KCNH5: variants seen among roughly 807,000 people sequenced by gnomAD.
The protein encoded by KCNH5 is voltage-gated delayed rectifier potassium channel KCNH5.
KCNH5 carries 46 observed loss-of-function variants against 96.1 expected under a neutral mutation model. The ratio of observed to expected loss-of-function variants is 0.48; its 90% CI spans 0.38 to 0.61. The LOEUF is 0.61. Ranked by LOEUF, KCNH5 falls within the 20% of genes least tolerant of loss-of-function variation. The probability of loss-of-function intolerance (pLI) is 0.00; values close to 1 mark genes in which losing one functional copy is unlikely to be tolerated. For missense variants in KCNH5, 907 were observed against 1,225.8 expected (o/e 0.74, Z 3.88); for synonymous variants, 439 against 449.8 (o/e 0.98, Z 0.30).
chr14:62,988,391 TAAGG>T (rs1257587477), intron 4 of KCNH5, among the ~76,000 whole-genome samples: 3 of 151,930 alleles, frequency 2.0e-5, no homozygotes, highest in Non-Finnish European at 4.4e-5. Context: ...AAAAAAAAAT[TAAGG>T]AAGAAATTCT....
At position 62,997,733 on chromosome 14, in the gene KCNH5, T is replaced by TA. The variant is rs377462465; in HGVS notation, c.433+3597dup. On this transcript the variant is annotated intron_variant, in intron 4 of 10. Transcript: ENST00000322893. ...TAACACAGTGAAACCCCGTCTCTAC[T>TA]AAAAATACAAAAAAAAATTAACCGG... Among the ~76,000 whole-genome samples, 207 of 151,276 alleles carry TA rather than the reference T, an allele frequency of 1.4e-3. 1 individual carries two copies. Among genetic ancestry groups the TA allele is most frequent in the African/African-American group, 4.9e-3 (203 of 41,196 alleles).
At chr14:63,007,461 T>C (rs1891147987) in intron 2 of KCNH5, among the ~76,000 whole-genome samples, 1 of 152,134 alleles carries the variant, frequency 6.6e-6, no homozygotes, top group African/African-American at 2.4e-5. Flanking sequence ...CTTCCTCCAT[T>C]CTCAACGTTT....
intron 9 of KCNH5, among the ~76,000 whole-genome samples, chr14:62,799,724 TATAC>T (rs1176783288): frequency 1.4e-3 from 145 of 104,322 alleles, no homozygotes; most frequent in Middle Eastern, 4.7e-3. Context: ...TATATATATA[TATAC>T]ACACACACAC....
At chr14:62,872,396 G>A (rs1888274732) in intron 7 of KCNH5, among the ~76,000 whole-genome samples, 1 of 152,154 alleles carries the variant, frequency 6.6e-6, no homozygotes, top group Non-Finnish European at 1.5e-5. Context: ...AGAAATGAAG[G>A]AAGATACAAC....
intron 8 of KCNH5, among the ~76,000 whole-genome samples, chr14:62,838,905 C>A (rs1307983946): frequency 6.6e-6 from 1 of 152,024 alleles, no homozygotes; most frequent in Non-Finnish European, 1.5e-5. Flanking sequence ...CTAGTACTGA[C>A]AATGTTATTC....
chr14:62,718,953 A>G (rs1423007778), intron 10 of KCNH5, among the ~76,000 whole-genome samples: 2 of 152,228 alleles, frequency 1.3e-5, no homozygotes, highest in African/African-American at 4.8e-5. Context: ...GAACCTGACT[A>G]AAGGGGCCAC....
chr14:62,707,463 T>G lies in KCNH5; in HGVS notation c.*45A>C. On this transcript the variant is annotated 3_prime_UTR_variant, in exon 11 of 11. Coordinates refer to ENST00000322893, the MANE Select transcript of KCNH5 (RefSeq NM_139318.5). ...TGTATATACTGTATATACACACATATGTATATACTGTTTTAATATATTAAC... is the reference window on the plus strand; with the variant it reads ...TGTATATACTGTATATACACACATAGGTATATACTGTTTTAATATATTAAC... 1.0e-6 allele frequency: 1 copy of G among 982,202 alleles called. No individual in the cohort carries two copies. The highest frequency in any genetic ancestry group is 1.4e-6 in the Non-Finnish European group (1 of 727,870). The allele number at this position is 982,202 out of a possible 1,614,324, so 60.8% of individuals were successfully genotyped here.
At chr14:63,023,019 C>T (rs552869261) in intron 1 of KCNH5, among the ~76,000 whole-genome samples, 1 of 152,084 alleles carries the variant, frequency 6.6e-6, no homozygotes, top group African/African-American at 2.4e-5. Flanking sequence ...GCCTAGCCAA[C>T]ATGGTGACAC....
chr14:62,872,460 G>A (rs1028155118), intron 7 of KCNH5, among the ~76,000 whole-genome samples: 2 of 152,148 alleles, frequency 1.3e-5, no homozygotes, highest in African/African-American at 4.8e-5. Flanking sequence ...GGAGGCTGAG[G>A]CGTGCAGATC....
intron 9 of KCNH5, among the ~76,000 whole-genome samples, chr14:62,789,748 G>A (rs1886393117): frequency 6.6e-6 from 1 of 151,750 alleles, no homozygotes; most frequent in Non-Finnish European, 1.5e-5. Flanking sequence ...TTTCTGCTCA[G>A]GTTTCTTGCT....
At chr14:62,757,913 C>T (rs376104693) in intron 10 of KCNH5, among the ~76,000 whole-genome samples, 9 of 151,950 alleles carry the variant, frequency 5.9e-5, no homozygotes, top group African/African-American at 1.2e-4. Flanking sequence ...CGGGAGGCTA[C>T]GGTGGGTGGA....
chr14:63,006,665 T>C (rs1466126869), intron 2 of KCNH5, among the ~76,000 whole-genome samples, 193 bp from the exon 3 acceptor site: 2 of 152,252 alleles, frequency 1.3e-5, no homozygotes, highest in African/African-American at 4.8e-5. Context: ...TCAGTCACTG[T>C]GGTTTAGTTA....
At chr14:62,816,642 T>C (rs1055397084) in intron 8 of KCNH5, among the ~76,000 whole-genome samples, 2 of 152,076 alleles carry the variant, frequency 1.3e-5, no homozygotes, top group Non-Finnish European at 2.9e-5. Flanking sequence ...AATATTTATA[T>C]GCACAAGTAT....
Position 62,762,181 on chromosome 14 carries a change from G to A in KCNH5, c.2019+17547C>T, listed in dbSNP as rs148168683. ...AGTCAGAGAATGGCTGGGGACACCC[G>A]TTCCCCAAGGCTCTCCATACTCTTC... is the stretch of plus-strand genomic sequence containing the variant. On this transcript the variant is annotated intron_variant, in intron 10 of 10. Transcript: ENST00000322893. Among the ~76,000 whole-genome samples the A allele has an allele frequency of 6.6e-5, 10 of 152,182 alleles. No individual in the cohort carries two copies. The South Asian group carries it at 1.0e-3, about 16-fold the overall frequency.
intron 7 of KCNH5, among the ~76,000 whole-genome samples, chr14:62,868,334 C>A (rs924625406): frequency 1.2e-4 from 18 of 152,174 alleles, no homozygotes; most frequent in Admixed American, 5.9e-4. Flanking sequence ...TTACTCAATT[C>A]ATAAATTCTC....
At chr14:62,774,271 A>G (rs1886050781) in intron 10 of KCNH5, among the ~76,000 whole-genome samples, 1 of 152,208 alleles carries the variant, frequency 6.6e-6, no homozygotes, top group Non-Finnish European at 1.5e-5. Context: ...GACATATGCC[A>G]AAATTCCACA....
Position 62,840,177 on chromosome 14 carries a change from A to G in KCNH5, c.1569+9476T>C, listed in dbSNP as rs570267625. Among the ~76,000 whole-genome samples, 13 of 152,306 alleles carry G rather than the reference A, an allele frequency of 8.5e-5. No homozygotes were observed. The South Asian group carries it at 1.0e-3, about 12-fold the overall frequency. On this transcript the variant is annotated intron_variant, in intron 8 of 10. Coordinates refer to ENST00000322893, the MANE Select transcript of KCNH5 (RefSeq NM_139318.5). ...AAATTTTAAAAATGGCTATGTCCAT[A>G]TTTTTAAATTCTCCCATTATATAGA...
chr14:62,910,677 A>G (rs1456838009), intron 7 of KCNH5, among the ~76,000 whole-genome samples: 2 of 152,196 alleles, frequency 1.3e-5, no homozygotes, highest in Non-Finnish European at 2.9e-5. Context: ...GGAGAAAACT[A>G]CAAAATGTTT....
chr14:63,018,581 C>T (rs1330958635), intron 1 of KCNH5, among the ~76,000 whole-genome samples: 1 of 151,910 alleles, frequency 6.6e-6, no homozygotes, highest in African/African-American at 2.4e-5. Flanking sequence ...ACAGAGAAGG[C>T]CATGCATTAG....
Sources: gnomAD v4.1 joint callset for allele counts (sites outside exome capture counted in the v4.1 genomes callset) on GRCh38, gnomAD v4.1.1 for gene constraint, MANE v1.5 for transcripts, NCBI Gene and HGNC (gene_info 2026-07-23, HGNC 2026-07-21) for gene names.